Variants in DGKK observed in about 807,000 individuals in gnomAD.
DGKK encodes the protein 142 kDa diacylglycerol kinase.
Under a neutral mutation model 92.2 loss-of-function variants are expected in DGKK, and 35 were observed. That is an observed-to-expected ratio of 0.38 (90% CI 0.29 to 0.50). DGKK has a LOEUF of 0.50. DGKK is among the 20% of genes least tolerant of loss of function. The probability of loss-of-function intolerance (pLI) is 0.92; values close to 1 mark genes in which losing one functional copy is unlikely to be tolerated. For synonymous variants in DGKK, 368 were observed against 360.6 expected, an observed-to-expected ratio of 1.02 and a Z score of -0.23; for missense variants, 910 against 992.2, an observed-to-expected ratio of 0.92 and a Z score of 1.11.
At chrX:50,394,161 G>A (rs782061434) in intron 8 of DGKK, among the ~76,000 whole-genome samples, 16 of 111,688 alleles carry the variant, frequency 1.4e-4, no homozygotes, top group Non-Finnish European at 2.4e-4. Flanking sequence ...CCCAGACCTC[G>A]GAGCTGTGGC....
chrX:50,432,395 G>C (rs1054894000), intron 1 of DGKK, among the ~76,000 whole-genome samples: 1 of 112,492 alleles, frequency 8.9e-6, no homozygotes, highest in African/African-American at 3.2e-5. Context: ...TTACACACGT[G>C]AGCAAACATA....
chrX:50,391,128 G>GT (rs1373770999), intron 11 of DGKK, among the ~76,000 whole-genome samples: 2 of 110,892 alleles, frequency 1.8e-5, no homozygotes, highest in Admixed American at 1.9e-4. Context: ...TTTTGTTTTG[G>GT]TTTTTTTGAG....
chrX:50,368,970 A>G lies in DGKK; in HGVS notation c.3786T>C (p.Asp1262=). The change falls in exon 28 of 28, where the codon GAT becomes GAC. Residue 1262 remains aspartate, a synonymous_variant. Coordinates refer to ENST00000611977, the MANE Select transcript of DGKK (RefSeq NM_001013742.4). ...RHREDEAEGD[D]PLTPSRSQL ...GTTGAGATCTCGATGGTGTTAGAGGATCATCACCCTCTGCTTCATCTTCAC... is the reference window on the plus strand; with the variant it reads ...GTTGAGATCTCGATGGTGTTAGAGGGTCATCACCCTCTGCTTCATCTTCAC... 8.3e-7 allele frequency: 1 copy of G among 1,208,746 alleles called. No individual in the cohort carries two copies. The highest frequency in any genetic ancestry group is 1.1e-6 in the Non-Finnish European group (1 of 893,919).
intron 1 of DGKK, among the ~76,000 whole-genome samples, chrX:50,429,089 C>T (rs1372373764): frequency 8.9e-6 from 1 of 112,057 alleles, no homozygotes; most frequent in Non-Finnish European, 1.9e-5. Flanking sequence ...TGCCTATCCC[C>T]TAAGAAGATT....
At chrX:50,391,644 C>G (rs1324631704) in intron 10 of DGKK, 68 bp from the exon 11 acceptor site, 2 of 1,114,392 alleles carry the variant, frequency 1.8e-6, no homozygotes, top group Non-Finnish European at 1.2e-6. Context: ...TGAAGGAACC[C>G]AGAGGGTACT....
At chrX:50,454,956 A>G (rs1472156677) in intron 1 of DGKK, among the ~76,000 whole-genome samples, 1 of 112,012 alleles carries the variant, frequency 8.9e-6, no homozygotes, top group Admixed American at 9.5e-5. Context: ...TAACAAAATC[A>G]TATCTTTCCT....
In DGKK at chrX:50,470,015, C is replaced by T; in HGVS notation, c.645+19G>A. 1 of 1,176,003 alleles carries T rather than the reference C, an allele frequency of 8.5e-7. No individual in the cohort carries two copies. The highest frequency in any genetic ancestry group is 1.1e-6 in the Non-Finnish European group (1 of 875,713). On this transcript the variant is annotated intron_variant, in intron 1 of 27. Coordinates refer to ENST00000611977, the MANE Select transcript of DGKK (RefSeq NM_001013742.4). The stretch of plus-strand genomic sequence containing the variant: ...TTCGCCTTGCTTCTTTTCCCCGCTT[C>T]AGGGGGTCTTTTGCTTACCTTTATT...
At chrX:50,467,696 T>C (rs1926941872) in intron 1 of DGKK, among the ~76,000 whole-genome samples, 1 of 112,772 alleles carries the variant, frequency 8.9e-6, no homozygotes, top group African/African-American at 3.2e-5. Flanking sequence ...TTGCCTTGAA[T>C]GTTAAGATAC....
chrX:50,461,325 C>A (rs1195882640), intron 1 of DGKK, among the ~76,000 whole-genome samples: 1 of 111,917 alleles, frequency 8.9e-6, no homozygotes, highest in Non-Finnish European at 1.9e-5. Flanking sequence ...GTGACTGGGG[C>A]AGGGTGAAGC....
At chrX:50,378,548 C>A in intron 21 of DGKK, 30 bp downstream of exon 21, 9 of 1,144,952 alleles carry the variant, frequency 7.9e-6, no homozygotes, top group Non-Finnish European at 1.1e-5. Context: ...ACCTCAGCCC[C>A]TTCCCAGTGC....
Position 50,424,370 on chromosome X carries a change from AAGCATGGTGTTG to A in DGKK, c.646-24_646-13del. ...TCCTTCAATATTTTCTGAAAGATAG[AAGCATGGTGTTG>A]AGCAATTAGATCAATTCATAAGGTC... is the stretch of plus-strand genomic sequence containing the variant. On this transcript the variant is annotated splice_polypyrimidine_tract_variant and intron_variant, in intron 1 of 27. Transcript: ENST00000611977. The A allele has an allele frequency of 1.7e-6, 2 of 1,190,608 alleles. No homozygotes were observed. The highest frequency in any genetic ancestry group is 2.3e-6 in the Non-Finnish European group (2 of 877,081).
intron 25 of DGKK, among the ~76,000 whole-genome samples, chrX:50,372,280 T>C (rs1557223311): frequency 8.9e-6 from 1 of 112,143 alleles, no homozygotes; most frequent in African/African-American, 3.2e-5. Flanking sequence ...CAAGGTACTA[T>C]TGTTTTCATT....
At chrX:50,379,315 C>CAAAA (rs1214871132) in intron 20 of DGKK, among the ~76,000 whole-genome samples, 1 of 38,825 alleles carries the variant, frequency 2.6e-5, no homozygotes, top group Non-Finnish European at 4.8e-5. Context: ...GACTCCGTTT[C>CAAAA]AAAAAAAAAA....
intron 16 of DGKK, 56 bp from the exon 17 acceptor site, chrX:50,384,320 C>T: frequency 2.3e-6 from 2 of 860,023 alleles, no homozygotes; most frequent in Non-Finnish European, 3.3e-6. Flanking sequence ...GCCCTTTCCC[C>T]TCACTTGTAT....
intron 1 of DGKK, among the ~76,000 whole-genome samples, chrX:50,449,589 G>A (rs782566660): frequency 2.7e-5 from 3 of 111,391 alleles, no homozygotes; most frequent in Non-Finnish European, 5.7e-5. Context: ...CTAGTGATCA[G>A]CCTCCCTAGA....
chrX:50,426,988 G>T (rs1925760312), intron 1 of DGKK, among the ~76,000 whole-genome samples: 1 of 111,500 alleles, frequency 9.0e-6, no homozygotes, highest in African/African-American at 3.3e-5. Flanking sequence ...TCTAAAAATT[G>T]AAATCTTTGC....
intron 4 of DGKK, among the ~76,000 whole-genome samples, chrX:50,419,905 A>G (rs1264451859): frequency 1.8e-5 from 2 of 112,228 alleles, no homozygotes; most frequent in Non-Finnish European, 3.8e-5. Flanking sequence ...GACAGAAAAC[A>G]GAAAGGCAAA....
At chrX:50,416,449 A>T (rs1259980348) in intron 4 of DGKK, among the ~76,000 whole-genome samples, 3 of 112,801 alleles carry the variant, frequency 2.7e-5, no homozygotes, top group Non-Finnish European at 5.6e-5. Flanking sequence ...TTTGCAAAGT[A>T]CATAAAAGTA....
intron 4 of DGKK, among the ~76,000 whole-genome samples, chrX:50,405,146 T>C (rs781809731): frequency 8.9e-6 from 1 of 112,107 alleles, no homozygotes; most frequent in Non-Finnish European, 1.9e-5. Context: ...CTACATGGAG[T>C]GGCATTCTTT....
Sources: allele counts gnomAD v4.1 joint callset (sites outside exome capture counted in the v4.1 genomes callset), GRCh38; gene constraint gnomAD v4.1.1; transcripts MANE v1.5; gene names NCBI Gene and HGNC (gene_info 2026-07-23, HGNC 2026-07-21).